SND1: variants seen among roughly 807,000 people sequenced by gnomAD.
The protein encoded by SND1 is staphylococcal nuclease and tudor domain containing 1.
SND1 carries 38 observed loss-of-function variants against 121.7 expected under a neutral mutation model. The observed-to-expected ratio is 0.31, with a 90% CI of 0.24 to 0.41. The LOEUF is 0.41. SND1 is among the 10% of genes least tolerant of loss of function. The pLI is 1.00. For missense variants in SND1, 868 were observed against 1,184.6 expected (o/e 0.73, Z 3.92); for synonymous variants, 401 against 447.4 (o/e 0.90, Z 1.31).
intron 16 of SND1, among the ~76,000 whole-genome samples, chr7:128,000,306 G>A (rs1477262214): frequency 6.6e-6 from 1 of 151,298 alleles, no homozygotes; most frequent in East Asian, 1.9e-4. Context: ...AAGAACTTCT[G>A]AACCCAGAGC....
chr7:127,888,016 A>G lies in SND1; in HGVS notation c.1454+4A>G. The G allele has an allele frequency of 6.2e-7, 1 of 1,603,792 alleles. No individual in the cohort carries two copies. Among genetic ancestry groups the G allele is most frequent in the Non-Finnish European group, 8.5e-7 (1 of 1,171,594 alleles). ...AACTGCTTGCTGCAGAGGCCAGGTA[A>G]GACCAAACATTACTAAACACATGGG... On this transcript the variant is annotated splice_donor_region_variant and intron_variant, in intron 13 of 23. Transcript: ENST00000354725.
intron 10 of SND1, among the ~76,000 whole-genome samples, chr7:127,733,532 A>G (rs1796717352): frequency 6.6e-6 from 1 of 152,184 alleles, no homozygotes; most frequent in African/African-American, 2.4e-5. Context: ...AATTATGTCC[A>G]TATATATGGT....
chr7:127,809,950 ATTAC>A (rs1301965534), intron 11 of SND1, among the ~76,000 whole-genome samples: 1 of 152,190 alleles, frequency 6.6e-6, no homozygotes, highest in Non-Finnish European at 1.5e-5. Context: ...AACCGGGACT[ATTAC>A]TTGCTTTCCT....
In SND1 at chr7:128,029,811, T is replaced by C; in HGVS notation, c.1779+38755T>C. ...GAGGTCATGGGGCAAAGAAGAGAGG[T>C]TATTGTGGGCCAAGTTGAGTTCCAC... On this transcript the variant is annotated intron_variant, in intron 16 of 23. Transcript: ENST00000354725. This position sits in a 1 kb window ranked among gnomAD's most constrained non-coding sequence, Gnocchi z 4.2. 6.2e-7 allele frequency: 1 copy of C among 1,613,602 alleles called. No homozygotes were observed. The highest frequency in any genetic ancestry group is 8.5e-7 in the Non-Finnish European group (1 of 1,179,990).
intron 16 of SND1, among the ~76,000 whole-genome samples, chr7:128,050,646 T>G (rs898766964): frequency 6.6e-6 from 1 of 152,218 alleles, no homozygotes; most frequent in African/African-American, 2.4e-5. Context: ...CTGATTTTTT[T>G]GGTCTTCCAT....
intron 11 of SND1, among the ~76,000 whole-genome samples, chr7:127,833,686 G>A (rs1394600685): frequency 6.6e-6 from 1 of 151,570 alleles, no homozygotes; most frequent in African/African-American, 2.4e-5. Context: ...GGGGTTGAGA[G>A]AGAGAGAGAG....
At chr7:127,793,504 C>T (rs1797953206) in intron 10 of SND1, among the ~76,000 whole-genome samples, 2 of 152,006 alleles carry the variant, frequency 1.3e-5, no homozygotes, top group Non-Finnish European at 2.9e-5. Context: ...GTGGCGCCAA[C>T]CCTTTGTGTT....
At chr7:128,041,144 G>A (rs912610630) in intron 16 of SND1, among the ~76,000 whole-genome samples, 28 of 152,118 alleles carry the variant, frequency 1.8e-4, no homozygotes, top group African/African-American at 6.5e-4. Context: ...TACCTTAAGA[G>A]CGGAGGGGGC....
chr7:127,817,972 C>T (rs79289231), intron 11 of SND1, among the ~76,000 whole-genome samples: 1,910 of 152,086 alleles, frequency 0.013, 17 homozygotes, highest in Non-Finnish European at 0.018. Context: ...CTCAATAGAT[C>T]TTTACAGAAG....
At chr7:127,699,955 T>TA (rs577022895) in intron 4 of SND1, among the ~76,000 whole-genome samples, 169 of 152,334 alleles carry the variant, frequency 1.1e-3, no homozygotes, top group African/African-American at 3.7e-3. Context: ...TGTGGTCCTT[T>TA]CTGACTGCAA....
At chr7:128,034,241 C>CA (rs1792707176) in intron 16 of SND1, among the ~76,000 whole-genome samples, 1 of 152,036 alleles carries the variant, frequency 6.6e-6, no homozygotes, top group Admixed American at 6.5e-5. Context: ...AAGGATGTGT[C>CA]AGAGAAGTAA....
chr7:128,021,440 G>A (rs555221889), intron 16 of SND1, among the ~76,000 whole-genome samples: 6 of 152,206 alleles, frequency 3.9e-5, no homozygotes, highest in East Asian at 1.9e-4. Flanking sequence ...TTCACCTGCC[G>A]TGGGAGAAGC....
At chr7:127,850,541 C>T (rs959694014) in intron 12 of SND1, among the ~76,000 whole-genome samples, 1 of 152,140 alleles carries the variant, frequency 6.6e-6, no homozygotes, top group Non-Finnish European at 1.5e-5. Context: ...TGATGACTTA[C>T]GCTTTAATCA....
intron 11 of SND1, among the ~76,000 whole-genome samples, chr7:127,834,206 A>T (rs1328943019): frequency 1.3e-5 from 2 of 152,220 alleles, no homozygotes. Flanking sequence ...CCACTGATGT[A>T]TACCTAGAAG....
rs149297900 is a variant in SND1, at chr7:127,908,617, G to A, written c.1527+3798G>A. On this transcript the variant is annotated intron_variant, in intron 14 of 23. Transcript: ENST00000354725. ...ACCAGCTGAGAATTTGACCGACTTG[G>A]TACTAGGTCTTACTTGATTTGAAGG... is the stretch of plus-strand genomic sequence containing the variant. Among the ~76,000 whole-genome samples the A allele has an allele frequency of 7.9e-3, 1,208 of 152,166 alleles. 18 individuals carry two copies. The highest frequency in any genetic ancestry group is 0.027 in the African/African-American group (1,128 of 41,524).
At chr7:127,821,199 T>G (rs1798540659) in intron 11 of SND1, among the ~76,000 whole-genome samples, 1 of 152,232 alleles carries the variant, frequency 6.6e-6, no homozygotes, top group Non-Finnish European at 1.5e-5. Flanking sequence ...TAGTCCAGGT[T>G]TCCCTTCCTG....
chr7:127,834,954 G>A (rs1253930936), intron 11 of SND1, among the ~76,000 whole-genome samples: 2 of 152,140 alleles, frequency 1.3e-5, no homozygotes, highest in African/African-American at 2.4e-5. Context: ...TGGCTTTTGT[G>A]TTCTGGTTTT....
chr7:127,795,919 G>A lies in SND1; in HGVS notation c.1153-11565G>A, dbSNP rs545179549. 5.9e-5 allele frequency among the ~76,000 whole-genome samples: 9 copies of A among 151,872 alleles called. No individual in the cohort carries two copies. The South Asian group carries it at 1.9e-3, about 32-fold the overall frequency. On this transcript the variant is annotated intron_variant, in intron 10 of 23. Coordinates refer to ENST00000354725, the MANE Select transcript of SND1 (RefSeq NM_014390.4). ...GTCACCCAGGCTGGAGTGCAGTGGC[G>A]TGATCTCGGTTCACTGCAAGCTCCG...
At chr7:127,990,199 A>T (rs1802489361) in intron 15 of SND1, among the ~76,000 whole-genome samples, 1 of 152,182 alleles carries the variant, frequency 6.6e-6, no homozygotes, top group Non-Finnish European at 1.5e-5. Context: ...CAACCTTAAG[A>T]AGCGGATATA....
Sources: gnomAD v4.1 joint callset for allele counts (sites outside exome capture counted in the v4.1 genomes callset) on GRCh38, gnomAD v4.1.1 for gene constraint, Gnocchi (gnomAD v3.1) non-coding constraint, MANE v1.5 for transcripts, NCBI Gene and HGNC (gene_info 2026-07-23, HGNC 2026-07-21) for gene names.